The following DIXDC1 variants were observed in gnomAD, a reference collection of about 807,000 sequenced individuals.
DIXDC1 encodes dixin.
In DIXDC1, 64 loss-of-function variants were observed where a neutral mutation model predicts 103.1. The ratio of observed to expected loss-of-function variants is 0.62; its 90% CI spans 0.51 to 0.76. The LOEUF (loss-of-function observed/expected upper bound fraction) is 0.76, where lower values mean the gene tolerates loss of function less well. Among genes scored for constraint, DIXDC1 ranks in the 30% least tolerant of loss-of-function variants. DIXDC1 has a pLI of 0.00. For missense variants in DIXDC1, 759 were observed against 834.2 expected (o/e 0.91, Z 1.11); for synonymous variants, 266 against 298.5 (o/e 0.89, Z 1.12).
intron 3 of DIXDC1, 121 bp downstream of exon 3, chr11:111,968,759 T>C: frequency 2.6e-6 from 3 of 1,143,888 alleles, no homozygotes; most frequent in Non-Finnish European, 3.5e-6. Flanking sequence ...TTTATTTTAT[T>C]TTTTATTTTT....
chr11:111,997,265 T>C (rs1860930533), intron 17 of DIXDC1, among the ~76,000 whole-genome samples: 3 of 152,328 alleles, frequency 2.0e-5, no homozygotes, highest in Middle Eastern at 6.8e-3. Flanking sequence ...TAAAATAGCA[T>C]TTCAAACCTC....
At chr11:111,942,969 G>A (rs988345443) in intron 1 of DIXDC1, among the ~76,000 whole-genome samples, 1 of 152,216 alleles carries the variant, frequency 6.6e-6, no homozygotes, top group Non-Finnish European at 1.5e-5. Context: ...CAAGCACTGC[G>A]ATACCTTGGC....
chr11:111,996,940 AT>A (rs1860920418), intron 17 of DIXDC1, among the ~76,000 whole-genome samples: 2 of 152,294 alleles, frequency 1.3e-5, no homozygotes, highest in South Asian at 4.1e-4. Context: ...TAGGAAGTGT[AT>A]TTTAACCTGC....
intron 18 of DIXDC1, 62 bp downstream of exon 18, chr11:112,016,858 G>A: frequency 7.1e-7 from 1 of 1,406,036 alleles, no homozygotes; most frequent in Non-Finnish European, 9.8e-7. Context: ...AACCTCATTA[G>A]TTACTGCCCA....
intron 17 of DIXDC1, among the ~76,000 whole-genome samples, chr11:112,000,916 A>G (rs782100588): frequency 1.3e-5 from 2 of 152,160 alleles, no homozygotes; most frequent in South Asian, 2.1e-4. Context: ...ACAGTTTGGC[A>G]CTTCCTCAAA....
chr11:111,934,293 T>C (rs6589254), upstream of DIXDC1, among the ~76,000 whole-genome samples: 7,696 of 152,286 alleles, frequency 0.051, 670 homozygotes, highest in African/African-American at 0.17. Flanking sequence ...ATTACTGTTA[T>C]ATATAGATAT....
Position 111,992,944 on chromosome 11 carries a change from C to T in DIXDC1, c.1219-7C>T, listed in dbSNP as rs782741499. On this transcript the variant is annotated splice_region_variant and splice_polypyrimidine_tract_variant and intron_variant, in intron 11 of 19. Transcript: ENST00000440460. ...TGCGTGCCATGAATTCTTTCTTATT[C>T]TTGCAGGTGGATCTGCAGAGGAAGC... 2 of 1,605,180 alleles carry T rather than the reference C, an allele frequency of 1.2e-6. No homozygotes were observed. The highest frequency in any genetic ancestry group is 2.2e-5 in the East Asian group (1 of 44,756).
chr11:111,995,308 A>T, intron 15 of DIXDC1, 95 bp from the exon 16 acceptor site: 1 of 1,528,180 alleles, frequency 6.5e-7, no homozygotes, highest in East Asian at 2.3e-5. Context: ...TGTGGGGGAA[A>T]AATCTTCTGG....
chr11:111,932,428 T>C (rs1966055549), upstream of DIXDC1, among the ~76,000 whole-genome samples: 1 of 151,270 alleles, frequency 6.6e-6, no homozygotes, highest in African/African-American at 2.4e-5. Context: ...AAAAAAATCA[T>C]GTAGAAAATT....
chr11:111,959,911 T>C (rs1280892308), intron 1 of DIXDC1, among the ~76,000 whole-genome samples: 2 of 152,102 alleles, frequency 1.3e-5, no homozygotes, highest in Non-Finnish European at 2.9e-5. Context: ...TACAGCATTT[T>C]GTTTTTGTTT....
intron 17 of DIXDC1, among the ~76,000 whole-genome samples, chr11:112,005,725 C>A (rs1338909483): frequency 2.0e-5 from 3 of 151,996 alleles, no homozygotes; most frequent in African/African-American, 7.2e-5. Flanking sequence ...GTCCCCCCCT[C>A]AAAAAATACA....
intron 1 of DIXDC1, among the ~76,000 whole-genome samples, chr11:111,942,523 A>T (rs1555168966): frequency 6.6e-6 from 1 of 152,188 alleles, no homozygotes; most frequent in African/African-American, 2.4e-5. Flanking sequence ...ACAGGCCCTG[A>T]GGGTGGGCTC....
At chr11:111,942,779 T>C (rs1213973439) in intron 1 of DIXDC1, among the ~76,000 whole-genome samples, 1 of 152,230 alleles carries the variant, frequency 6.6e-6, no homozygotes, top group East Asian at 1.9e-4. Context: ...TGAATACTAA[T>C]ATATTAATCT....
intron 1 of DIXDC1, among the ~76,000 whole-genome samples, chr11:111,947,148 G>C (rs1966623865): frequency 6.6e-6 from 1 of 152,078 alleles, no homozygotes; most frequent in African/African-American, 2.4e-5. Flanking sequence ...GGGGGCTTGA[G>C]GGTGGAGAAA....
chr11:112,011,026 T>C (rs1173351508), intron 17 of DIXDC1, among the ~76,000 whole-genome samples: 1 of 152,088 alleles, frequency 6.6e-6, no homozygotes, highest in African/African-American at 2.4e-5. Context: ...ACCTACAGAA[T>C]GGGAGAAAAT....
chr11:111,992,183 G>C lies in DIXDC1; in HGVS notation c.1114-232G>C, dbSNP rs117622007. 6.8e-3 allele frequency among the ~76,000 whole-genome samples: 1,041 copies of C among 152,210 alleles called. 5 individuals carry two copies. Among genetic ancestry groups the C allele is most frequent in the Middle Eastern group, 0.051 (15 of 294 alleles). ...ATAGTAAGCAGAGAAAAAAAATCAG[G>C]CTTCAGTAAGTTTCATAGAACAGTG... On this transcript the variant is annotated intron_variant, in intron 10 of 19. Transcript: ENST00000440460.
rs115381291 is a variant in DIXDC1 at position 112,002,500 on chromosome 11, A to C, written c.1756+6354A>C. Among the ~76,000 whole-genome samples the C allele has an allele frequency of 3.7e-3, 558 of 152,366 alleles. 3 individuals carry two copies. Among genetic ancestry groups the C allele is most frequent in the African/African-American group, 0.012 (518 of 41,588 alleles). On this transcript the variant is annotated intron_variant, in intron 17 of 19. Transcript: ENST00000440460. ...TCATGTTTATTGCAGTACTATTTCC[A>C]ATAGCCAAGGCTGGTCACAGTGGCT...
chr11:112,005,950 C>T (rs1472906401), intron 17 of DIXDC1, among the ~76,000 whole-genome samples: 2 of 152,102 alleles, frequency 1.3e-5, no homozygotes, highest in Non-Finnish European at 2.9e-5. Flanking sequence ...TGGGTGTAGC[C>T]CACGGAGGGT....
chr11:111,985,193 A>G, intron 7 of DIXDC1, 39 bp from the exon 8 acceptor site: 1 of 1,520,758 alleles, frequency 6.6e-7, no homozygotes. Context: ...AGTCATCTGA[A>G]GGAGAGTTAA....
Sources: allele counts gnomAD v4.1 joint callset (sites outside exome capture counted in the v4.1 genomes callset), GRCh38; gene constraint gnomAD v4.1.1; transcripts MANE v1.5; gene names NCBI Gene and HGNC (gene_info 2026-07-23, HGNC 2026-07-21).